Variants in ANAPC10 observed in about 807,000 individuals in gnomAD.
ANAPC10 encodes the protein anaphase promoting complex subunit 10.
ANAPC10 carries 12 observed loss-of-function variants against 22.0 expected under a neutral mutation model. The observed-to-expected ratio is 0.55, with a 90% CI of 0.35 to 0.88. ANAPC10 has a LOEUF of 0.88. Among genes scored for constraint, ANAPC10 ranks in the 40% least tolerant of loss-of-function variants. ANAPC10 has a pLI of 0.01. For missense variants in ANAPC10, 188 were observed against 220.9 expected (o/e 0.85, Z 0.94); for synonymous variants, 65 against 69.5 (o/e 0.94, Z 0.32).
At chr4:145,012,755 G>A (rs777419763) in intron 4 of ANAPC10, among the ~76,000 whole-genome samples, 7 of 152,014 alleles carry the variant, frequency 4.6e-5, no homozygotes, top group Admixed American at 3.3e-4. Context: ...TAAATTTTCC[G>A]CCAACACAGA....
chr4:145,000,667 A>G (rs1732381561), intron 4 of ANAPC10, among the ~76,000 whole-genome samples: 1 of 152,238 alleles, frequency 6.6e-6, no homozygotes, highest in African/African-American at 2.4e-5. Flanking sequence ...AGAACTAGAA[A>G]TACTATTTGA....
chr4:145,002,807 T>G (rs1387822298), intron 4 of ANAPC10, among the ~76,000 whole-genome samples: 1 of 152,172 alleles, frequency 6.6e-6, no homozygotes, highest in Non-Finnish European at 1.5e-5. Flanking sequence ...TAAAAATTTT[T>G]TAAACTTACA....
At position 145,084,519 on chromosome 4, in the gene ANAPC10, GGAA is replaced by G. The variant is rs1395470077; in HGVS notation, c.116-2772_116-2770del. 2.6e-5 allele frequency among the ~76,000 whole-genome samples: 4 copies of G among 151,850 alleles called. No homozygotes were observed. The East Asian group carries it at 5.8e-4, about 22-fold the overall frequency. Reference sequence around the variant, plus strand: ...TCTTTTGGCTTCCCTGGGCCACACTGGAAGAAGAACTGTCTTGGGCCACACATA... The same window carrying G: ...TCTTTTGGCTTCCCTGGGCCACACTGGAAGAACTGTCTTGGGCCACACATA... On this transcript the variant is annotated intron_variant, in intron 2 of 4. Transcript: ENST00000507656.
chr4:144,998,747 A>G (rs1732027852), intron 4 of ANAPC10, among the ~76,000 whole-genome samples: 1 of 152,186 alleles, frequency 6.6e-6, no homozygotes, highest in Non-Finnish European at 1.5e-5. Flanking sequence ...AGCCAGCAGA[A>G]GGCAAAAAAT....
intron 3 of ANAPC10, among the ~76,000 whole-genome samples, chr4:145,065,305 A>C (rs1374362362): frequency 6.6e-6 from 1 of 151,986 alleles, no homozygotes; most frequent in Non-Finnish European, 1.5e-5. Flanking sequence ...AAAAAATGCA[A>C]GTGGCCAACA....
chr4:145,066,134 A>G (rs1322740066), intron 3 of ANAPC10, among the ~76,000 whole-genome samples: 1 of 152,162 alleles, frequency 6.6e-6, no homozygotes, highest in Non-Finnish European at 1.5e-5. Context: ...CAGCCTATAA[A>G]AACAGCAGGG....
intron 4 of ANAPC10, among the ~76,000 whole-genome samples, chr4:145,054,641 G>GCA (rs1741729573): frequency 1.5e-5 from 1 of 68,594 alleles, no homozygotes; most frequent in African/African-American, 4.6e-5. Context: ...GTGTGTGTGT[G>GCA]CGCGCGCGCG....
intron 4 of ANAPC10, among the ~76,000 whole-genome samples, chr4:145,040,394 C>T (rs1163127693): frequency 1.3e-5 from 2 of 152,092 alleles, no homozygotes; most frequent in African/African-American, 4.8e-5. Flanking sequence ...GTGATCCACC[C>T]GCCTTGGCCT....
intron 4 of ANAPC10, among the ~76,000 whole-genome samples, chr4:145,036,995 CGTGTGTGTGT>C (rs202100756): frequency 0.031 from 4,103 of 131,162 alleles, 59 homozygotes; most frequent in Middle Eastern, 0.061. Flanking sequence ...AAATAGATAA[CGTGTGTGTGT>C]GTGTGTGTGT....
chr4:145,008,230 G>A (rs1025727146), intron 4 of ANAPC10, among the ~76,000 whole-genome samples: 5 of 152,104 alleles, frequency 3.3e-5, no homozygotes, highest in Admixed American at 6.6e-5. Flanking sequence ...GGACCAGATG[G>A]ATTCACAGAC....
At chr4:145,064,781 T>C in intron 3 of ANAPC10, 89 bp from the exon 4 acceptor site, 2 of 1,157,378 alleles carry the variant, frequency 1.7e-6, no homozygotes, top group Non-Finnish European at 2.4e-6. Context: ...AAATCATAGT[T>C]TGCTAAAAGG....
At chr4:145,023,137 A>G (rs772149497) in intron 4 of ANAPC10, among the ~76,000 whole-genome samples, 39 of 152,180 alleles carry the variant, frequency 2.6e-4, no homozygotes, top group Non-Finnish European at 5.3e-4. Flanking sequence ...AATTGTACCA[A>G]TGACTGTCAC....
intron 4 of ANAPC10, among the ~76,000 whole-genome samples, chr4:145,023,218 G>GA (rs201134151): frequency 3.2e-3 from 481 of 151,574 alleles, no homozygotes; most frequent in Non-Finnish European, 4.4e-3. Context: ...TATGCAAAGT[G>GA]AAAAAAAACC....
Position 145,044,466 on chromosome 4 carries a change from C to A in ANAPC10, c.327+20106G>T, listed in dbSNP as rs551862401. On this transcript the variant is annotated intron_variant, in intron 4 of 4. Coordinates refer to ENST00000507656, the MANE Select transcript of ANAPC10 (RefSeq NM_001256706.2). ...ATTCTCCTTTCTATCCTTTGCATTTCCTTCCCCCCAACTCCCACCCACCAT... is the reference window on the plus strand; with the variant it reads ...ATTCTCCTTTCTATCCTTTGCATTTACTTCCCCCCAACTCCCACCCACCAT... Among the ~76,000 whole-genome samples the A allele has an allele frequency of 2.0e-5, 3 of 152,148 alleles. No homozygotes were observed. In the South Asian group the frequency reaches 6.2e-4, roughly 32 times the overall value.
chr4:145,007,120 G>C (rs1242733863), intron 4 of ANAPC10, among the ~76,000 whole-genome samples: 4 of 151,780 alleles, frequency 2.6e-5, no homozygotes, highest in Non-Finnish European at 5.9e-5. Context: ...CCCAATACGG[G>C]AGCACCCAGA....
intron 4 of ANAPC10, chr4:145,053,893 GCTGATTACTA>G: frequency 2.0e-6 from 1 of 502,708 alleles, no homozygotes; most frequent in Admixed American, 3.7e-5. Flanking sequence ...AGCACTTTCA[GCTGATTACTA>G]CTGTGTGTGT....
intron 4 of ANAPC10, among the ~76,000 whole-genome samples, chr4:145,042,701 CAG>C (rs1001927558): frequency 1.1e-4 from 16 of 152,032 alleles, no homozygotes; most frequent in South Asian, 2.1e-4. Flanking sequence ...TCAGAAAACA[CAG>C]AGTCTTTATT....
chr4:145,023,257 T>C (rs1403810900), intron 4 of ANAPC10, among the ~76,000 whole-genome samples: 1 of 152,126 alleles, frequency 6.6e-6, no homozygotes, highest in Admixed American at 6.6e-5. Flanking sequence ...AACAAAACTT[T>C]AGTGAAAGTA....
At chr4:144,997,209 C>T (rs969163759) in intron 4 of ANAPC10, among the ~76,000 whole-genome samples, 2 of 152,112 alleles carry the variant, frequency 1.3e-5, no homozygotes, top group African/African-American at 4.8e-5. Flanking sequence ...CAAGGCAGGC[C>T]AACATTTAAA....
Sources: allele counts gnomAD v4.1 joint callset (sites outside exome capture counted in the v4.1 genomes callset), GRCh38; gene constraint gnomAD v4.1.1; transcripts MANE v1.5; gene names NCBI Gene and HGNC (gene_info 2026-07-23, HGNC 2026-07-21).